TIGAR: variants seen among roughly 807,000 people sequenced by gnomAD.
TIGAR encodes TP53 induced glycolysis regulatory phosphatase.
Under a neutral mutation model 17.9 loss-of-function variants are expected in TIGAR, and 7 were observed. The ratio of observed to expected loss-of-function variants is 0.39; its 90% CI spans 0.22 to 0.73. TIGAR has a LOEUF of 0.73. Among genes scored for constraint, TIGAR ranks in the 30% least tolerant of loss-of-function variants. The pLI, the probability that TIGAR is intolerant of heterozygous loss-of-function variation, is 0.42. For synonymous variants in TIGAR, 94 were observed against 108.6 expected, an observed-to-expected ratio of 0.87 and a Z score of 0.84; for missense variants, 258 against 327.4, an observed-to-expected ratio of 0.79 and a Z score of 1.64.
chr12:4,344,070 G>T (rs956928618), intron 3 of TIGAR, among the ~76,000 whole-genome samples: 1 of 151,942 alleles, frequency 6.6e-6, no homozygotes, highest in South Asian at 2.1e-4. Context: ...ACAGAAATAC[G>T]AACTACCATC....
chr12:4,349,742 G>A, intron 3 of TIGAR, 77 bp from the exon 4 acceptor site: 6 of 1,213,264 alleles, frequency 4.9e-6, no homozygotes, highest in Non-Finnish European at 7.0e-6. Flanking sequence ...TCACTAAGAT[G>A]ACATAGATTC....
At chr12:4,333,978 G>GT (rs911225812) in intron 2 of TIGAR, among the ~76,000 whole-genome samples, 40 of 147,330 alleles carry the variant, frequency 2.7e-4, no homozygotes, top group South Asian at 1.5e-3. Context: ...TTTTTTCTTT[G>GT]TTTTTTTTTT....
At chr12:4,329,827 C>T (rs1187719221) in intron 1 of TIGAR, among the ~76,000 whole-genome samples, 2 of 152,042 alleles carry the variant, frequency 1.3e-5, no homozygotes, top group African/African-American at 2.4e-5. Context: ...GGTATGCAAT[C>T]CCTGCTTGTG....
chr12:4,321,440 T>G lies in TIGAR; in HGVS notation c.32+137T>G. The G allele has an allele frequency of 1.7e-5, 22 of 1,260,322 alleles. No individual in the cohort carries two copies. The highest frequency in any genetic ancestry group is 2.6e-5 in the East Asian group (1 of 38,128). The allele number at this position is 1,260,322 out of a possible 1,614,324, so 78.1% of individuals were successfully genotyped here. ...GGGAGGGCTGGCTTGGAAGCGCTTT[T>G]TCCGGGGCGCTTGCCCTGGGGCCGT... On this transcript the variant is annotated intron_variant, in intron 1 of 5. Transcript: ENST00000179259. This position sits in a 1 kb window ranked among gnomAD's most constrained non-coding sequence, Gnocchi z 5.2.
intron 1 of TIGAR, among the ~76,000 whole-genome samples, chr12:4,329,433 G>C (rs946788347): frequency 6.9e-6 from 1 of 145,678 alleles, no homozygotes; most frequent in Non-Finnish European, 1.5e-5. Flanking sequence ...CTGCCTCCCG[G>C]GTTTAAACAA....
At chr12:4,332,359 T>G (rs962152792) in intron 2 of TIGAR, among the ~76,000 whole-genome samples, 1 of 150,578 alleles carries the variant, frequency 6.6e-6, no homozygotes, top group Non-Finnish European at 1.5e-5. Context: ...TTCTCATGTC[T>G]CAGCCTCCTG....
At position 4,337,622 on chromosome 12, in the gene TIGAR, A is replaced by T. The variant is rs189047131; in HGVS notation, c.192+462A>T. On this transcript the variant is annotated intron_variant, in intron 3 of 5. Coordinates refer to ENST00000179259, the MANE Select transcript of TIGAR (RefSeq NM_020375.3). Reference sequence around the variant, plus strand: ...ATTTTAATTTTATTTTGTACTTTTTAAAAAAAATAATTTTTAAATTAGAGT... The same window carrying T: ...ATTTTAATTTTATTTTGTACTTTTTTAAAAAAATAATTTTTAAATTAGAGT... Among the ~76,000 whole-genome samples, 497 of 152,188 alleles carry T rather than the reference A, an allele frequency of 3.3e-3. 3 individuals are homozygous for T. Among genetic ancestry groups the T allele is most frequent in the South Asian group, 0.01 (50 of 4,822 alleles).
intron 1 of TIGAR, among the ~76,000 whole-genome samples, chr12:4,326,340 A>G (rs1033840798): frequency 2.0e-5 from 3 of 152,248 alleles, no homozygotes; most frequent in African/African-American, 7.2e-5. Flanking sequence ...TGTTTTAGCC[A>G]TCAAGTTTCC....
In TIGAR at chr12:4,331,291, G is replaced by T; in HGVS notation, c.44G>T (p.Arg15Ile). The T allele has an allele frequency of 6.2e-7, 1 of 1,609,740 alleles. No homozygotes were observed. Among genetic ancestry groups the T allele is most frequent in the Non-Finnish European group, 8.5e-7 (1 of 1,176,118 alleles). ...TCTTTCTATTTTAGTGGAGAAACAA[G>T]ATTTAACAAGGAGAAAATAATCCAA... ...ALTVVRHGET[R>I]FNKEKIIQGQ... Residue 15 changes from arginine (R) to isoleucine (I), a missense_variant, in exon 2 of 6, where the codon AGA (arginine) becomes ATA (isoleucine). Arg to Ile is a moderately conservative substitution (Grantham distance 97). Transcript: ENST00000179259.
intron 1 of TIGAR, among the ~76,000 whole-genome samples, chr12:4,323,364 A>G (rs965324123): frequency 1.3e-5 from 2 of 152,230 alleles, no homozygotes; most frequent in African/African-American, 2.4e-5. Flanking sequence ...TAGATTCCTA[A>G]TAGACAATAG....
chr12:4,357,016 T>C lies in TIGAR; in HGVS notation c.*4325T>C, dbSNP rs1200227953. On this transcript the variant is annotated 3_prime_UTR_variant, in exon 6 of 6. Coordinates refer to ENST00000179259, the MANE Select transcript of TIGAR (RefSeq NM_020375.3). Reference sequence around the variant, plus strand: ...CTTTTTAACTAAAAACCTGTTTTAGTTAGCATCTTTATTCTAATTTCTTTA... The same window carrying C: ...CTTTTTAACTAAAAACCTGTTTTAGCTAGCATCTTTATTCTAATTTCTTTA... 6.6e-6 allele frequency among the ~76,000 whole-genome samples: 1 copy of C among 152,238 alleles called. No individual in the cohort carries two copies. The highest frequency in any genetic ancestry group is 1.5e-5 in the Non-Finnish European group (1 of 68,040).
chr12:4,352,960 C>T lies in TIGAR; in HGVS notation c.*269C>T, dbSNP rs1864853324. 1 of 386,734 alleles carries T rather than the reference C, an allele frequency of 2.6e-6. No individual in the cohort carries two copies. The allele number at this position is 386,734 out of a possible 1,614,324, so 24.0% of individuals were successfully genotyped here. A position where few individuals can be genotyped will look rare whatever the true frequency, so the allele number is the denominator to read the frequency against. Reference sequence around the variant, plus strand: ...GCACATGGATGATGAAGGAACTCAGCATTGAAAGTTGGGGGATTAGTAACC... The same window carrying T: ...GCACATGGATGATGAAGGAACTCAGTATTGAAAGTTGGGGGATTAGTAACC... On this transcript the variant is annotated 3_prime_UTR_variant, in exon 6 of 6. Transcript: ENST00000179259.
At chr12:4,349,317 A>G (rs909046269) in intron 3 of TIGAR, among the ~76,000 whole-genome samples, 1 of 152,248 alleles carries the variant, frequency 6.6e-6, no homozygotes, top group African/African-American at 2.4e-5. Flanking sequence ...CTGAACTAAA[A>G]GATAGGTTAG....
At chr12:4,327,925 C>T (rs1311539249) in intron 1 of TIGAR, among the ~76,000 whole-genome samples, 1 of 152,142 alleles carries the variant, frequency 6.6e-6, no homozygotes, top group Non-Finnish European at 1.5e-5. Context: ...TTCGGCCTCC[C>T]AAAGTGCTGG....
At chr12:4,335,341 T>A (rs1389132154) in intron 2 of TIGAR, among the ~76,000 whole-genome samples, 1 of 152,134 alleles carries the variant, frequency 6.6e-6, no homozygotes, top group Non-Finnish European at 1.5e-5. Context: ...CCGGCCATTT[T>A]TTTTTTTTTA....
chr12:4,331,264 T>C lies in TIGAR; in HGVS notation c.33-16T>C. 1 of 1,604,770 alleles carries C rather than the reference T, an allele frequency of 6.2e-7. No homozygotes were observed. Among genetic ancestry groups the C allele is most frequent in the Non-Finnish European group, 8.5e-7 (1 of 1,171,546 alleles). On this transcript the variant is annotated splice_polypyrimidine_tract_variant and intron_variant, in intron 1 of 5. Transcript: ENST00000179259. ...ATAATTTGGCTAATAAGGTTGTCCT[T>C]CTCTTTCTATTTTAGTGGAGAAACA...
chr12:4,343,755 T>C (rs539178047), intron 3 of TIGAR, among the ~76,000 whole-genome samples: 1 of 152,312 alleles, frequency 6.6e-6, no homozygotes, highest in South Asian at 2.1e-4. Flanking sequence ...TTTATAGCAC[T>C]AAATGCTCAC....
At chr12:4,342,513 C>T (rs189680037) in intron 3 of TIGAR, among the ~76,000 whole-genome samples, 229 of 152,228 alleles carry the variant, frequency 1.5e-3, no homozygotes, top group African/African-American at 5.3e-3. Context: ...ACAAAGGGAA[C>T]CCCATCAGAC....
chr12:4,352,134 T>C (rs142762828), intron 5 of TIGAR, 126 bp from the exon 6 acceptor site: 10 of 699,716 alleles, frequency 1.4e-5, no homozygotes, highest in African/African-American at 7.2e-5. Flanking sequence ...TAGATTGATA[T>C]TCTTCTGCTT....
Sources: gnomAD v4.1 joint callset for allele counts (sites outside exome capture counted in the v4.1 genomes callset) on GRCh38, gnomAD v4.1.1 for gene constraint, Gnocchi (gnomAD v3.1) non-coding constraint, MANE v1.5 for transcripts, NCBI Gene and HGNC (gene_info 2026-07-23, HGNC 2026-07-21) for gene names.